The following POLR3D variants were observed in gnomAD, a reference collection of about 807,000 sequenced individuals.
POLR3D encodes the protein RNA polymerase III subunit D.
A neutral mutation model predicts 44.5 loss-of-function variants in POLR3D; 42 were observed. That is an observed-to-expected ratio of 0.94 (90% CI 0.74 to 1.22). The LOEUF (loss-of-function observed/expected upper bound fraction) is 1.22, where lower values mean the gene tolerates loss of function less well. Ranked by LOEUF, POLR3D falls within the 50% of genes most tolerant of loss-of-function variation. POLR3D has a pLI of 0.00. For synonymous variants in POLR3D, 217 were observed against 198.1 expected, an observed-to-expected ratio of 1.10 and a Z score of -0.80; for missense variants, 507 against 505.2, an observed-to-expected ratio of 1.00 and a Z score of -0.03.
rs139222181 is a variant in POLR3D at position 22,249,273 on chromosome 8, C to A, written c.885C>A (p.Asp295Glu). ...KPIKTEVQGE[D>E]GQVVLIKQEK... Reference sequence around the variant, plus strand: ...TCAAGACAGAGGTGCAGGGCGAGGACGGACAGGTGGTGCTCATCAAGCAGG... The same window carrying A: ...TCAAGACAGAGGTGCAGGGCGAGGAAGGACAGGTGGTGCTCATCAAGCAGG... Residue 295 changes from aspartate (D) to glutamate (E), a missense_variant, in exon 7 of 9, where the codon GAC becomes GAA. Physicochemically the swap from Asp to Glu is conservative, Grantham distance 45. Transcript: ENST00000306433. The A allele has an allele frequency of 6.2e-7, 1 of 1,613,830 alleles. No individual in the cohort carries two copies. The highest frequency in any genetic ancestry group is 2.2e-5 in the East Asian group (1 of 44,866).
rs750169345 is a variant in POLR3D at position 22,249,087 on chromosome 8, G to A, written c.699G>A (p.Lys233=). 5 of 1,613,952 alleles carry A rather than the reference G, an allele frequency of 3.1e-6. No individual in the cohort carries two copies. In the East Asian group the frequency reaches 8.9e-5, roughly 29 times the overall value. Residue 233 remains lysine, a synonymous_variant, in exon 7 of 9, where the codon AAG becomes AAA. Transcript: ENST00000306433. ...PRDEEEEAKM[K]APPKAARKTP... ...ATGAGGAGGAAGAGGCCAAGATGAA[G>A]GCTCCTCCCAAAGCAGCCAGGAAGA...
rs1830062483 is a variant in POLR3D at position 22,248,192 on chromosome 8, C to A, written c.400C>A (p.Pro134Thr). 6.2e-7 allele frequency: 1 copy of A among 1,614,078 alleles called. No individual in the cohort carries two copies. The highest frequency in any genetic ancestry group is 8.5e-7 in the Non-Finnish European group (1 of 1,179,974). Residue 134 changes from proline (P) to threonine (T), a missense_variant, in exon 5 of 9, where the codon CCT (proline) becomes ACT (threonine). Physicochemically the swap from Pro to Thr is conservative, Grantham distance 38. Transcript: ENST00000306433. ...GACAGTGGATGTGTCAGACATGGGA[C>A]CTTCTCATATCATCAACATCAAAAA... ...DKTVDVSDMG[P>T]SHIINIKKEK...
Position 22,249,100 on chromosome 8 carries a change from G to A in POLR3D, c.712G>A (p.Ala238Thr), listed in dbSNP as rs1362021407. The A allele has an allele frequency of 1.2e-6, 2 of 1,613,892 alleles. No homozygotes were observed. The highest frequency in any genetic ancestry group is 2.2e-5 in the East Asian group (1 of 44,882). The change falls in exon 7 of 9, where the codon GCA becomes ACA. Residue 238 changes from alanine to threonine, a missense_variant. Physicochemically the swap from Ala to Thr is moderately conservative, Grantham distance 58 (BLOSUM62 0). Coordinates refer to ENST00000306433, the MANE Select transcript of POLR3D (RefSeq NM_001722.3). ...EEAKMKAPPKAARKTPGLPKD... is the reference protein window; with the variant it reads ...EEAKMKAPPKTARKTPGLPKD... ...GGCCAAGATGAAGGCTCCTCCCAAA[G>A]CAGCCAGGAAGACTCCAGGCCTCCC...
chr8:22,252,137 CT>C lies in POLR3D; in HGVS notation c.*1620del, dbSNP rs1830110581. 1.3e-5 allele frequency: 2 copies of C among 153,814 alleles called. No homozygotes were observed. The highest frequency in any genetic ancestry group is 6.5e-5 in the Admixed American group (1 of 15,282). 9.5% of individuals were successfully genotyped at this position (153,814 alleles called of 1,614,324 possible). A position where few individuals can be genotyped will look rare whatever the true frequency, so the allele number is the denominator to read the frequency against. ...ATATTTGGTGACCATATCACCCTTT[CT>C]GGTGCTGAAGCTCATGTCAGCTCCA... On this transcript the variant is annotated 3_prime_UTR_variant, in exon 9 of 9. Transcript: ENST00000306433.
Position 22,250,675 on chromosome 8 carries a change from C to A in POLR3D, c.*157C>A. Reference sequence around the variant, plus strand: ...CCAGGTCCCCCAGGGCTTCCTCCCACAGCAGCTGTGAATGGCACAGTGACC... The same window carrying A: ...CCAGGTCCCCCAGGGCTTCCTCCCAAAGCAGCTGTGAATGGCACAGTGACC... On this transcript the variant is annotated 3_prime_UTR_variant, in exon 9 of 9. Coordinates refer to ENST00000306433, the MANE Select transcript of POLR3D (RefSeq NM_001722.3). The A allele has an allele frequency of 1.2e-6, 1 of 849,864 alleles. No homozygotes were observed. The highest frequency in any genetic ancestry group is 1.9e-6 in the Non-Finnish European group (1 of 529,940). The allele number at this position is 849,864 out of a possible 1,614,324, so 52.6% of individuals were successfully genotyped here.
At chr8:22,247,812 G>A (rs752918170) in intron 3 of POLR3D, 45 bp from the exon 4 acceptor site, 3 of 1,584,744 alleles carry the variant, frequency 1.9e-6, no homozygotes, top group Non-Finnish European at 2.6e-6. Context: ...AGATTTTGGA[G>A]ACACAGTGAG....
chr8:22,248,994 G>A (rs1463554313), intron 6 of POLR3D, 50 bp from the exon 7 acceptor site: 2 of 1,599,380 alleles, frequency 1.3e-6, no homozygotes, highest in Admixed American at 3.4e-5. Flanking sequence ...ACAGTGAGCT[G>A]GTATGGAGGG....
Position 22,247,280 on chromosome 8 carries a change from T to C in POLR3D, c.209+16T>C. On this transcript the variant is annotated intron_variant, in intron 3 of 8. Coordinates refer to ENST00000306433, the MANE Select transcript of POLR3D (RefSeq NM_001722.3). ...TCAAGGAAGAGTAAGTAGCTAGGCCTTCTGAATACTTGCCCCTTATTTACT... is the reference window on the plus strand; with the variant it reads ...TCAAGGAAGAGTAAGTAGCTAGGCCCTCTGAATACTTGCCCCTTATTTACT... The C allele has an allele frequency of 6.3e-7, 1 of 1,599,488 alleles. No individual in the cohort carries two copies. The highest frequency in any genetic ancestry group is 1.1e-5 in the South Asian group (1 of 90,432).
chr8:22,247,339 A>G (rs1830054050), intron 3 of POLR3D, 75 bp downstream of exon 3: 1 of 1,132,044 alleles, frequency 8.8e-7, no homozygotes, highest in Non-Finnish European at 1.3e-6. Context: ...GGAAATAACT[A>G]GGTTTGTAGC....
In POLR3D at chr8:22,248,487, G is replaced by A. The variant is rs967660557; in HGVS notation, c.493G>A (p.Asp165Asn). 17 of 1,613,792 alleles carry A rather than the reference G, an allele frequency of 1.1e-5. No individual in the cohort carries two copies. Among genetic ancestry groups the A allele is most frequent in the South Asian group, 9.9e-5 (9 of 91,050 alleles). The change falls in exon 6 of 9, where the codon GAT (aspartate) becomes AAT (asparagine). Residue 165 changes from aspartate (D) to asparagine (N), a missense_variant. Asp to Asn is a conservative substitution (Grantham distance 23). Coordinates refer to ENST00000306433, the MANE Select transcript of POLR3D (RefSeq NM_001722.3). ...CCCAGACTCTCTTTGGCAGTTCCTCGATGACCCCGGCCTGAGGAACGACAC... is the reference window on the plus strand; with the variant it reads ...CCCAGACTCTCTTTGGCAGTTCCTCAATGACCCCGGCCTGAGGAACGACAC... ...LRMLEKDDFL[D>N]DPGLRNDTRN...
Position 22,249,091 on chromosome 8 carries a change from C to T in POLR3D, c.703C>T (p.Pro235Ser), listed in dbSNP as rs758276417. The change falls in exon 7 of 9, where the codon CCT becomes TCT. Residue 235 changes from proline (P) to serine (S), a missense_variant. Physicochemically the swap from Pro to Ser is moderately conservative, Grantham distance 74. Coordinates refer to ENST00000306433, the MANE Select transcript of POLR3D (RefSeq NM_001722.3). ...GGAGGAAGAGGCCAAGATGAAGGCT[C>T]CTCCCAAAGCAGCCAGGAAGACTCC... is the stretch of plus-strand genomic sequence containing the variant. ...DEEEEAKMKA[P>S]PKAARKTPGL... 1.2e-5 allele frequency: 19 copies of T among 1,613,842 alleles called. No individual in the cohort carries two copies. Among genetic ancestry groups the T allele is most frequent in the Middle Eastern group, 1.7e-4 (1 of 6,058 alleles).
intron 7 of POLR3D, 103 bp downstream of exon 7, chr8:22,249,412 C>T: frequency 7.9e-7 from 1 of 1,271,818 alleles, no homozygotes; most frequent in Non-Finnish European, 1.1e-6. Flanking sequence ...TGAAATGGGA[C>T]AATAATGGGT....
At chr8:22,247,792 G>A (rs1369087994) in intron 3 of POLR3D, 65 bp from the exon 4 acceptor site, 2 of 1,516,992 alleles carry the variant, frequency 1.3e-6, no homozygotes, top group African/African-American at 2.8e-5. Context: ...TGGTATGGGA[G>A]AGTAAGGCCA....
At position 22,248,511 on chromosome 8, in the gene POLR3D, A is replaced by G; in HGVS notation, c.517A>G (p.Thr173Ala). ...CGATGACCCCGGCCTGAGGAACGAC[A>G]CTCGAAATATGCCTGTGCAGCTGCC... ...FLDDPGLRND[T>A]RNMPVQLPLA... Residue 173 changes from threonine (T) to alanine (A), a missense_variant, in exon 6 of 9, where the codon ACT becomes GCT. Coordinates refer to ENST00000306433, the MANE Select transcript of POLR3D (RefSeq NM_001722.3). 1 of 1,614,112 alleles carries G rather than the reference A, an allele frequency of 6.2e-7. No individual in the cohort carries two copies. Among genetic ancestry groups the G allele is most frequent in the Non-Finnish European group, 8.5e-7 (1 of 1,180,010 alleles).
At chr8:22,247,324 T>G in intron 3 of POLR3D, 60 bp downstream of exon 3, 2 of 1,329,268 alleles carry the variant, frequency 1.5e-6, no homozygotes, top group Non-Finnish European at 2.1e-6. Flanking sequence ...ATTTGGGGCT[T>G]TGGGGGAAAT....
In POLR3D at chr8:22,250,782, T is replaced by G; in HGVS notation, c.*264T>G. The G allele has an allele frequency of 1.6e-5, 7 of 448,362 alleles. No individual in the cohort carries two copies. The highest frequency in any genetic ancestry group is 6.8e-5 in the Admixed American group (2 of 29,276). 27.8% of individuals were successfully genotyped at this position (448,362 alleles called of 1,614,324 possible). A position where few individuals can be genotyped will look rare whatever the true frequency, so the allele number is the denominator to read the frequency against. On this transcript the variant is annotated 3_prime_UTR_variant, in exon 9 of 9. Transcript: ENST00000306433. ...ATTTTTGTATTTATGTCTTAATCTC[T>G]TCCACTGATGCATCCTCCAAGGGTA...
At chr8:22,248,439 G>A (rs772521900) in intron 5 of POLR3D, 42 bp from the exon 6 acceptor site, 1 of 1,602,970 alleles carries the variant, frequency 6.2e-7, no homozygotes, top group Non-Finnish European at 8.5e-7. Context: ...TGATCCAGGT[G>A]CATGTGCTAG....
rs961165583 is a variant in POLR3D at position 22,248,020 on chromosome 8, G to T, written c.361+12G>T. ...GATGAAGAAAAAAGGTATAAGGAAG[G>T]AATCAGTGAATTTCAGTTCAGACTG... is the stretch of plus-strand genomic sequence containing the variant. On this transcript the variant is annotated intron_variant, in intron 4 of 8. Coordinates refer to ENST00000306433, the MANE Select transcript of POLR3D (RefSeq NM_001722.3). 44 of 1,611,790 alleles carry T rather than the reference G, an allele frequency of 2.7e-5. No homozygotes were observed. Among genetic ancestry groups the T allele is most frequent in the Non-Finnish European group, 3.6e-5 (42 of 1,178,370 alleles).
intron 7 of POLR3D, 127 bp downstream of exon 7, chr8:22,249,436 G>A (rs1194073387): frequency 1.6e-5 from 15 of 938,342 alleles, no homozygotes; most frequent in Middle Eastern, 3.4e-4. Flanking sequence ...TATTCTTGAC[G>A]CCTGCAAGAG....
Sources: gnomAD v4.1 joint callset for allele counts on GRCh38, gnomAD v4.1.1 for gene constraint, MANE v1.5 for transcripts, NCBI Gene and HGNC (gene_info 2026-07-23, HGNC 2026-07-21) for gene names.